Variants in RP1L1 observed in about 807,000 individuals in gnomAD.
RP1L1 encodes retinitis pigmentosa 1-like 1 protein.
RP1L1 carries 27 observed loss-of-function variants against 15.7 expected under a neutral mutation model. The ratio of observed to expected loss-of-function variants is 1.72; its 90% confidence interval spans 1.27 to 2.38. The LOEUF (loss-of-function observed/expected upper bound fraction) is 2.38, where lower values mean the gene tolerates loss of function less well. RP1L1 is among the 30% of genes most tolerant of loss of function. RP1L1 has a pLI of 0.00. For missense variants in RP1L1, 4,798 were observed against 3,075.9 expected, an observed-to-expected ratio of 1.56 and a Z score of -13.24; for synonymous variants, 1,813 against 1,276.7, an observed-to-expected ratio of 1.42 and a Z score of -8.96.
In RP1L1 at chr8:10,616,576, C is replaced by G; in HGVS notation, c.621G>C (p.Leu207=). Residue 207 remains leucine (L), a synonymous_variant, in exon 3 of 4, where the codon CTG becomes CTC. Coordinates refer to ENST00000382483, the MANE Select transcript of RP1L1 (RefSeq NM_178857.6). ...YTTSGKKVDS[L]QALLHSPSVL... The stretch of plus-strand genomic sequence containing the variant: ...CAGAGGGGCTGTGCAGCAGGGCCTG[C>G]AGCGAGTCCACCTGAGGGAGGAGCG... 1 of 1,612,442 alleles carries G rather than the reference C, an allele frequency of 6.2e-7. No homozygotes were observed. The highest frequency in any genetic ancestry group is 8.5e-7 in the Non-Finnish European group (1 of 1,179,812).
intron 1 of RP1L1, among the ~76,000 whole-genome samples, chr8:10,625,948 C>T (rs925556393): frequency 6.0e-5 from 9 of 150,758 alleles, no homozygotes; most frequent in South Asian, 2.1e-4. Context: ...GGGGCGGTGC[C>T]GGGGATTTTG....
At chr8:10,621,436 C>G (rs139757573) in intron 2 of RP1L1, 1 of 264,170 alleles carries the variant, frequency 3.8e-6, no homozygotes, top group East Asian at 1.1e-4. Context: ...AGCAATTCTC[C>G]TGCCTCAGCC....
intron 1 of RP1L1, among the ~76,000 whole-genome samples, chr8:10,633,905 C>T (rs1391254554): frequency 6.6e-6 from 1 of 152,108 alleles, no homozygotes; most frequent in Non-Finnish European, 1.5e-5. Flanking sequence ...GCTGAGAAAA[C>T]CGATTGACCG....
rs1797760659 is a variant in RP1L1 at position 10,608,621 on chromosome 8, G to A, written c.5477C>T (p.Pro1826Leu). The part of the protein sequence containing the change: ...GEAAAGGDQD[P>L]GQSDGAEGIE... Reference sequence around the variant, plus strand: ...GCCTTCGGCCCCATCACTCTGTCCTGGATCTTGGTCACCTCCTGCCGCAGC... The same window carrying A: ...GCCTTCGGCCCCATCACTCTGTCCTAGATCTTGGTCACCTCCTGCCGCAGC... Residue 1826 changes from proline (P) to leucine (L), a missense_variant, in exon 4 of 4, where the codon CCA (proline) becomes CTA (leucine). Physicochemically the swap from Pro to Leu is moderately conservative, Grantham distance 98 (BLOSUM62 -3). Coordinates refer to ENST00000382483, the MANE Select transcript of RP1L1 (RefSeq NM_178857.6). 1.9e-6 allele frequency: 3 copies of A among 1,614,128 alleles called. No individual in the cohort carries two copies. The highest frequency in any genetic ancestry group is 2.2e-5 in the East Asian group (1 of 44,868).
intron 1 of RP1L1, among the ~76,000 whole-genome samples, chr8:10,652,650 A>G (rs550470692): frequency 1.3e-4 from 20 of 151,802 alleles, no homozygotes; most frequent in African/African-American, 4.4e-4. Context: ...TCATTTTACA[A>G]TTGATCCTTC....
chr8:10,646,508 G>A (rs552672556), intron 1 of RP1L1, among the ~76,000 whole-genome samples: 4 of 152,270 alleles, frequency 2.6e-5, no homozygotes, highest in East Asian at 1.9e-4. Context: ...AAAAGGTGAC[G>A]CAGGCCCTAG....
chr8:10,642,357 T>A (rs368487438), intron 1 of RP1L1, among the ~76,000 whole-genome samples: 33 of 152,290 alleles, frequency 2.2e-4, no homozygotes, highest in East Asian at 1.3e-3. Flanking sequence ...GGCCAATAAT[T>A]ATTAACCGGA....
At position 10,609,544 on chromosome 8, in the gene RP1L1, C is replaced by T. The variant is rs775924330; in HGVS notation, c.4554G>A (p.Trp1518Ter). 3.1e-6 allele frequency: 5 copies of T among 1,605,692 alleles called. No homozygotes were observed. In the South Asian group the frequency reaches 5.5e-5, roughly 18 times the overall value. Residue 1518 changes from tryptophan to a stop codon, truncating the protein, a stop_gained, in exon 4 of 4, where the codon TGG becomes TGA. Transcript: ENST00000382483. LOFTEE classifies it low-confidence loss of function (END_TRUNC). ...CSAALDCDPI[W>*]VSVLLKKTEK... ...CCGTCTTCTTCAGTAACACGGACAC[C>T]CAGATGGGGTCGCAGTCCAGAGCCG...
intron 1 of RP1L1, among the ~76,000 whole-genome samples, chr8:10,633,271 T>C (rs1251820489): frequency 1.3e-5 from 2 of 152,030 alleles, no homozygotes; most frequent in Non-Finnish European, 2.9e-5. Context: ...CTGACCTCTC[T>C]CTCCCTCTAC....
intron 1 of RP1L1, among the ~76,000 whole-genome samples, chr8:10,653,570 T>G (rs1212839278): frequency 6.7e-6 from 1 of 150,016 alleles, no homozygotes; most frequent in East Asian, 1.9e-4. Context: ...ACATGCACAC[T>G]CATGTGCACA....
chr8:10,647,250 G>A (rs1586003323), intron 1 of RP1L1, among the ~76,000 whole-genome samples: 1 of 152,216 alleles, frequency 6.6e-6, no homozygotes, highest in African/African-American at 2.4e-5. Flanking sequence ...TCCGCCCTCT[G>A]ACCTCCTTCC....
At chr8:10,616,736 C>T (rs1005197096) in intron 2 of RP1L1, 149 bp from the exon 3 acceptor site, 2 of 890,098 alleles carry the variant, frequency 2.2e-6, no homozygotes, top group African/African-American at 1.7e-5. Context: ...GGGGTCTTAT[C>T]CACTCCCCAT....
rs754126350 is a variant in RP1L1, at chr8:10,611,253, G to A, written c.2845C>T (p.Pro949Ser). 31 of 1,612,862 alleles carry A rather than the reference G, an allele frequency of 1.9e-5. No individual in the cohort carries two copies. The highest frequency in any genetic ancestry group is 2.2e-5 in the East Asian group (1 of 44,872). The change falls in exon 4 of 4, where the codon CCC (proline) becomes TCC (serine). Residue 949 changes from proline (P) to serine (S), a missense_variant. Physicochemically the swap from Pro to Ser is moderately conservative, Grantham distance 74 (BLOSUM62 -1). Transcript: ENST00000382483. ...EASGVSPSSL[P>S]RSSPEAVVRE... The stretch of plus-strand genomic sequence containing the variant: ...ACCACAGCCTCTGGAGACGAGCGGG[G>A]CAGAGAGCTGGGTGACACACCACTG...
At chr8:10,642,827 T>A (rs1798426351) in intron 1 of RP1L1, among the ~76,000 whole-genome samples, 1 of 152,086 alleles carries the variant, frequency 6.6e-6, no homozygotes, top group Admixed American at 6.5e-5. Flanking sequence ...ATTAGAAAGC[T>A]CTGGAGAAAC....
In RP1L1 at chr8:10,610,484, CT is replaced by C. The variant is rs768407538; in HGVS notation, c.3613del (p.Ser1205AlafsTer20). ...PTSSSGVDIS[S>X]GSGGSGESSV... The stretch of plus-strand genomic sequence containing the variant: ...ACTCTCCCCTGAGCCTCCAGAGCCG[CT>C]GCTGATGTCCACACCAGAGGAGGAT... On this transcript the variant is annotated frameshift_variant, in exon 4 of 4. Coordinates refer to ENST00000382483, the MANE Select transcript of RP1L1 (RefSeq NM_178857.6). LOFTEE classifies it low-confidence loss of function (END_TRUNC). 1.2e-6 allele frequency: 2 copies of C among 1,613,792 alleles called. No individual in the cohort carries two copies. Among genetic ancestry groups the C allele is most frequent in the East Asian group, 4.5e-5 (2 of 44,866 alleles).
At chr8:10,624,758 G>A (rs1229492000) in intron 1 of RP1L1, among the ~76,000 whole-genome samples, 4 of 152,172 alleles carry the variant, frequency 2.6e-5, no homozygotes, top group Non-Finnish European at 2.9e-5. Flanking sequence ...CCATCCCTGC[G>A]TCGGGGTGTT....
chr8:10,624,387 C>T (rs1391807830), intron 1 of RP1L1, among the ~76,000 whole-genome samples: 1 of 152,184 alleles, frequency 6.6e-6, no homozygotes, highest in Non-Finnish European at 1.5e-5. Context: ...CACACACACT[C>T]ACACATACAC....
Position 10,608,572 on chromosome 8 carries a change from C to A in RP1L1, c.5526G>T (p.Gly1842=). 1 of 1,611,224 alleles carries A rather than the reference C, an allele frequency of 6.2e-7. No homozygotes were observed. The highest frequency in any genetic ancestry group is 8.5e-7 in the Non-Finnish European group (1 of 1,177,936). Residue 1842 remains glycine (G), a synonymous_variant, in exon 4 of 4, where the codon GGG becomes GGT. Coordinates refer to ENST00000382483, the MANE Select transcript of RP1L1 (RefSeq NM_178857.6). The part of the protein sequence containing the change: ...AEGIEAPEAE[G]EAQPESEGVE... The stretch of plus-strand genomic sequence containing the variant: ...CACCTTCTGACTCTGGCTGGGCCTC[C>A]CCTTCAGCCTCCGGGGCCTCTATGC...
chr8:10,607,878 C>T lies in RP1L1; in HGVS notation c.6220G>A (p.Ala2074Thr). 1 of 1,596,056 alleles carries T rather than the reference C, an allele frequency of 6.3e-7. No homozygotes were observed. The highest frequency in any genetic ancestry group is 1.1e-5 in the South Asian group (1 of 90,200). Reference protein sequence around the residue: ...AQEAEGEVQEAEGEAHPESED... With the variant: ...AQEAEGEVQETEGEAHPESED... ...GACTCTGGGTGGGCCTCCCCTTCTG[C>T]CTCCTGGACCTCCCCTTCAGCCTCC... The change falls in exon 4 of 4, where the codon GCA (alanine) becomes ACA (threonine). Residue 2074 changes from alanine (A) to threonine (T), a missense_variant. By Grantham distance (58) the Ala-to-Thr change is moderately conservative. Transcript: ENST00000382483.
Sources: allele counts gnomAD v4.1 joint callset (sites outside exome capture counted in the v4.1 genomes callset), GRCh38; gene constraint gnomAD v4.1.1; transcripts MANE v1.5; gene names NCBI Gene and HGNC (gene_info 2026-07-23, HGNC 2026-07-21).